The following FER1L6 variants were observed in gnomAD, a reference collection of about 807,000 sequenced individuals.
FER1L6 encodes fer-1 like family member 6, also known as fer-1-like protein 6.
In FER1L6, 177 loss-of-function variants were observed where a neutral mutation model predicts 219.2. That is an observed-to-expected ratio of 0.81 (90% CI 0.71 to 0.91). FER1L6 has a LOEUF of 0.91. Among genes scored for constraint, FER1L6 ranks in the 40% least tolerant of loss-of-function variants. The pLI, the probability that FER1L6 is intolerant of heterozygous loss-of-function variation, is 0.00. For synonymous variants in FER1L6, 768 were observed against 824.3 expected (o/e 0.93, Z 1.17); for missense variants, 2,153 against 2,259.9 (o/e 0.95, Z 0.96).
In FER1L6 at chr8:124,119,982, G is replaced by T. The variant is rs553762146; in HGVS notation, c.*192G>T. The T allele has an allele frequency of 7.3e-6, 4 of 545,142 alleles. No individual in the cohort carries two copies. Among genetic ancestry groups the T allele is most frequent in the South Asian group, 7.8e-5 (2 of 25,634 alleles). 33.8% of individuals were successfully genotyped at this position (545,142 alleles called of 1,614,324 possible). A position where few individuals can be genotyped will look rare whatever the true frequency, so the allele number is the denominator to read the frequency against. ...TGCCTCCAAGTTTCAAACTTGTAAG[G>T]CATGTTTTATCCCTTGGGCAGCATG... On this transcript the variant is annotated 3_prime_UTR_variant, in exon 41 of 41. Transcript: ENST00000522917.
At chr8:124,079,585 C>T (rs535212991) in intron 32 of FER1L6, among the ~76,000 whole-genome samples, 1 of 152,174 alleles carries the variant, frequency 6.6e-6, no homozygotes, top group East Asian at 1.9e-4. Flanking sequence ...TTTTTTCTTT[C>T]CAATCAGGTC....
chr8:124,063,507 C>T (rs976552906), intron 25 of FER1L6, among the ~76,000 whole-genome samples: 21 of 152,130 alleles, frequency 1.4e-4, no homozygotes, highest in Admixed American at 9.2e-4. Flanking sequence ...CATAGAGCAC[C>T]GTTTTCCCCC....
At chr8:123,884,543 A>T (rs1817165733) in intron 1 of FER1L6, among the ~76,000 whole-genome samples, 1 of 152,228 alleles carries the variant, frequency 6.6e-6, no homozygotes, top group South Asian at 2.1e-4. Context: ...GAATTCTTTC[A>T]TGGCAGTTTG....
intron 12 of FER1L6, among the ~76,000 whole-genome samples, chr8:124,000,223 C>T (rs1191372079): frequency 1.3e-5 from 2 of 152,180 alleles, no homozygotes; most frequent in Non-Finnish European, 2.9e-5. Flanking sequence ...GATTTTCTTT[C>T]CACACCATTT....
At chr8:124,060,470 CTT>C (rs1563772885) in intron 23 of FER1L6, 76 bp from the exon 24 acceptor site, 1 of 1,579,902 alleles carries the variant, frequency 6.3e-7, no homozygotes, top group Non-Finnish European at 8.6e-7. Flanking sequence ...GCAGGTCTAA[CTT>C]TTCCACACAG....
At chr8:123,929,810 T>C (rs139309291) in intron 1 of FER1L6, among the ~76,000 whole-genome samples, 1 of 152,232 alleles carries the variant, frequency 6.6e-6, no homozygotes, top group Non-Finnish European at 1.5e-5. Context: ...TGAAAATTTA[T>C]TTCATTGTTT....
intron 15 of FER1L6, among the ~76,000 whole-genome samples, chr8:124,014,123 G>C (rs529491997): frequency 1.4e-4 from 22 of 152,170 alleles, no homozygotes; most frequent in African/African-American, 2.9e-4. Context: ...CGTGCACAGG[G>C]GAGAATCACA....
chr8:124,066,870 G>T (rs189608302), intron 27 of FER1L6, among the ~76,000 whole-genome samples: 137 of 152,244 alleles, frequency 9.0e-4, no homozygotes, highest in African/African-American at 3.1e-3. Context: ...GAGAAATGGG[G>T]TCTCTGGATA....
In FER1L6 at chr8:123,974,659, C is replaced by CAAAAAAAAAA. The variant is rs994690186; in HGVS notation, c.527-477_527-468dup. On this transcript the variant is annotated intron_variant, in intron 7 of 40. Coordinates refer to ENST00000522917, the MANE Select transcript of FER1L6 (RefSeq NM_001039112.2). ...CAGGCATCACAGCGAGACTCTGTCTCAAAAAAAAAAAAAAAAAAAAAAAGA... is the reference window on the plus strand; with the variant it reads ...CAGGCATCACAGCGAGACTCTGTCTCAAAAAAAAAAAAAAAAAAAAAAAAAAAAAAAAAGA... 3.5e-3 allele frequency among the ~76,000 whole-genome samples: 169 copies of CAAAAAAAAAA among 47,754 alleles called. 6 individuals are homozygous for CAAAAAAAAAA. The highest frequency in any genetic ancestry group is 4.5e-3 in the African/African-American group (69 of 15,192). 31.3% of individuals were successfully genotyped at this position (47,754 alleles called of 152,430 possible).
At chr8:124,107,789 C>G (rs908370343) in intron 39 of FER1L6, among the ~76,000 whole-genome samples, 12 of 152,032 alleles carry the variant, frequency 7.9e-5, no homozygotes, top group Admixed American at 6.5e-5. Context: ...TTTGAAGATC[C>G]CTCTTTGTCT....
At position 124,049,696 on chromosome 8, in the gene FER1L6, C is replaced by T. The variant is rs768691892; in HGVS notation, c.2814C>T (p.His938=). 1 of 1,614,046 alleles carries T rather than the reference C, an allele frequency of 6.2e-7. No individual in the cohort carries two copies. The highest frequency in any genetic ancestry group is 1.7e-5 in the Admixed American group (1 of 60,016). The change falls in exon 22 of 41, where the codon CAC becomes CAT. Residue 938 remains histidine, a synonymous_variant. Transcript: ENST00000522917. ...ATGAGCCCCCCAGGTTATGCTATCACCCCATCTTTTGTGGGAATCTCTCTG... is the reference window on the plus strand; with the variant it reads ...ATGAGCCCCCCAGGTTATGCTATCATCCCATCTTTTGTGGGAATCTCTCTG... ...QDYEPPRLCY[H]PIFCGNLSGG... is the part of the protein sequence containing the mutation.
Position 123,852,310 on chromosome 8 carries a change from C to T in FER1L6, c.-8+125C>T, listed in dbSNP as rs1325847114. On this transcript the variant is annotated intron_variant, in intron 1 of 40. Coordinates refer to ENST00000522917, the MANE Select transcript of FER1L6 (RefSeq NM_001039112.2). The surrounding 1 kb of genome is among the most constrained non-coding windows in gnomAD (Gnocchi z 4.9). ...CCCTCCCTTCCACAATGGAAGCAGT[C>T]CAATGTAATCAACCTGCCTCCAGGT... The T allele has an allele frequency of 6.6e-6, 1 of 152,304 alleles. No homozygotes were observed. The highest frequency in any genetic ancestry group is 6.5e-5 in the Admixed American group (1 of 15,284). The allele number at this position is 152,304 out of a possible 1,614,324, so 9.4% of individuals were successfully genotyped here. A position where few individuals can be genotyped will look rare whatever the true frequency, so the allele number is the denominator to read the frequency against.
At chr8:123,914,496 T>G (rs527862927) in intron 1 of FER1L6, among the ~76,000 whole-genome samples, 27 of 152,306 alleles carry the variant, frequency 1.8e-4, no homozygotes, top group African/African-American at 6.0e-4. Flanking sequence ...TAAACAGCCA[T>G]GCACAGCAAT....
intron 1 of FER1L6, among the ~76,000 whole-genome samples, chr8:123,880,880 T>G (rs1405977420): frequency 6.8e-6 from 1 of 147,370 alleles, no homozygotes; most frequent in Non-Finnish European, 1.5e-5. Context: ...TCTGGGAGCT[T>G]TGCCTAACAC....
chr8:124,023,531 C>G lies in FER1L6; in HGVS notation c.2221C>G (p.Leu741Val). ...TGCCCGCATCGCCTCCAAAGACCTC[C>G]TCTATTCCCCTGTCGCGGGGCAGAT... ...AYARIASKDL[L>V]YSPVAGQMGK... The change falls in exon 18 of 41, where the codon CTC becomes GTC. Residue 741 changes from leucine to valine, a missense_variant. Coordinates refer to ENST00000522917, the MANE Select transcript of FER1L6 (RefSeq NM_001039112.2). 1 of 1,614,216 alleles carries G rather than the reference C, an allele frequency of 6.2e-7. No homozygotes were observed. Among genetic ancestry groups the G allele is most frequent in the Non-Finnish European group, 8.5e-7 (1 of 1,180,028 alleles).
chr8:124,068,389 T>G (rs1820913014), intron 28 of FER1L6, among the ~76,000 whole-genome samples: 1 of 152,142 alleles, frequency 6.6e-6, no homozygotes, highest in Non-Finnish European at 1.5e-5. Flanking sequence ...TCATAGGAAA[T>G]AGTATCTTCA....
At chr8:124,042,226 G>A (rs1586628507) in intron 20 of FER1L6, among the ~76,000 whole-genome samples, 1 of 152,184 alleles carries the variant, frequency 6.6e-6, no homozygotes, top group Non-Finnish European at 1.5e-5. Flanking sequence ...TATCTCAAAG[G>A]AACAGATGGC....
chr8:123,857,482 C>G (rs1000712070), intron 1 of FER1L6, among the ~76,000 whole-genome samples: 13 of 152,180 alleles, frequency 8.5e-5, no homozygotes, highest in African/African-American at 2.9e-4. Context: ...TGCACTCCAG[C>G]CTGGGCAACA....
At chr8:123,939,164 T>C (rs1384398149) in intron 1 of FER1L6, 2 of 985,292 alleles carry the variant, frequency 2.0e-6, no homozygotes, top group East Asian at 1.1e-4. Context: ...TTGTGACCTG[T>C]GAAAAACCAA....
Sources: gnomAD v4.1 joint callset for allele counts (sites outside exome capture counted in the v4.1 genomes callset) on GRCh38, gnomAD v4.1.1 for gene constraint, Gnocchi (gnomAD v3.1) non-coding constraint, MANE v1.5 for transcripts, NCBI Gene and HGNC (gene_info 2026-07-23, HGNC 2026-07-21) for gene names.